The following SPRED2 variants were observed in gnomAD, a reference collection of about 807,000 sequenced individuals.
SPRED2 encodes the protein sprouty-related, EVH1 domain-containing protein 2.
Under a neutral mutation model 43.0 loss-of-function variants are expected in SPRED2, and 47 were observed. The observed-to-expected ratio is 1.09, with a 90% CI of 0.87 to 1.40. SPRED2 has a LOEUF of 1.40. Ranked by LOEUF, SPRED2 falls within the 40% of genes most tolerant of loss-of-function variation. The probability of loss-of-function intolerance (pLI) is 0.00; values close to 1 mark genes in which losing one functional copy is unlikely to be tolerated. For missense variants in SPRED2, 561 were observed against 586.4 expected, an observed-to-expected ratio of 0.96 and a Z score of 0.45; for synonymous variants, 225 against 225.7, an observed-to-expected ratio of 1.00 and a Z score of 0.03.
intron 2 of SPRED2, among the ~76,000 whole-genome samples, chr2:65,344,018 G>A (rs373228258): frequency 6.6e-5 from 10 of 151,714 alleles, no homozygotes; most frequent in South Asian, 2.1e-4. Context: ...GTAGTGGCGC[G>A]CACCTGTAGT....
chr2:65,371,197 T>C (rs1675118234), intron 1 of SPRED2, among the ~76,000 whole-genome samples: 1 of 151,956 alleles, frequency 6.6e-6, no homozygotes, highest in Non-Finnish European at 1.5e-5. Context: ...AATATTTTTT[T>C]TGGCAGGAAA....
chr2:65,348,555 C>A (rs917922957), intron 1 of SPRED2, among the ~76,000 whole-genome samples: 1 of 152,118 alleles, frequency 6.6e-6, no homozygotes, highest in African/African-American at 2.4e-5. Flanking sequence ...GTAATCCCAG[C>A]ACTTTGGGAG....
chr2:65,342,388 ATATGTATATATGTATGTATATTTTG>A (rs1160200891), intron 2 of SPRED2, among the ~76,000 whole-genome samples: 1 of 147,290 alleles, frequency 6.8e-6, no homozygotes, highest in African/African-American at 2.5e-5. Context: ...TATATTTTGT[ATATGTATATATGTATGTATATTTTG>A]TATACGTATA....
At chr2:65,381,726 T>C (rs1253089876) in intron 1 of SPRED2, among the ~76,000 whole-genome samples, 2 of 152,126 alleles carry the variant, frequency 1.3e-5, no homozygotes, top group African/African-American at 4.8e-5. Context: ...TCAGCCCCGG[T>C]CCCTGAGCAG....
At position 65,415,452 on chromosome 2, in the gene SPRED2, TAAAA is replaced by T. The variant is rs57368286; in HGVS notation, c.26+16506_26+16509del. ...CAATCCTATGTTAACAAAGTTTTGT[TAAAA>T]AAAAAAAAATTCAAATATAAGGAAT... On this transcript the variant is annotated intron_variant, in intron 1 of 5. Coordinates refer to ENST00000356388, the MANE Select transcript of SPRED2 (RefSeq NM_181784.3). Among the ~76,000 whole-genome samples, 11 of 150,290 alleles carry T rather than the reference TAAAA, an allele frequency of 7.3e-5. No homozygotes were observed. In the East Asian group the frequency reaches 2.2e-3, roughly 29 times the overall value.
chr2:65,309,156 CAA>C (rs11334053), downstream of SPRED2, among the ~76,000 whole-genome samples: 26,384 of 138,044 alleles, frequency 0.19, 2,620 homozygotes, highest in Non-Finnish European at 0.22. Flanking sequence ...AACTCAGTCT[CAA>C]AAAAAAAAAA....
At chr2:65,329,525 C>A (rs1399178850) in intron 4 of SPRED2, among the ~76,000 whole-genome samples, 1 of 152,226 alleles carries the variant, frequency 6.6e-6, no homozygotes, top group Non-Finnish European at 1.5e-5. Flanking sequence ...TGCCCGGAAG[C>A]AGCAGGGCTG....
At chr2:65,385,989 G>A (rs1259648645) in intron 1 of SPRED2, among the ~76,000 whole-genome samples, 1 of 152,102 alleles carries the variant, frequency 6.6e-6, no homozygotes, top group African/African-American at 2.4e-5. Context: ...TATTGTATCA[G>A]AAAGCACAGG....
At chr2:65,322,280 A>ATT (rs1673447810) in intron 4 of SPRED2, among the ~76,000 whole-genome samples, 1 of 97,356 alleles carries the variant, frequency 1.0e-5, no homozygotes, top group Non-Finnish European at 1.9e-5. Flanking sequence ...CTATATATAT[A>ATT]TATATATATA....
At chr2:65,334,476 G>C in intron 3 of SPRED2, 129 bp downstream of exon 3, 1 of 1,058,422 alleles carries the variant, frequency 9.4e-7, no homozygotes, top group Non-Finnish European at 1.4e-6. Flanking sequence ...AAAAGTTTTG[G>C]CATCTACTGA....
rs762764941 is a variant in SPRED2, at chr2:65,432,014, C to T, written c.-27G>A. 2 of 1,613,798 alleles carry T rather than the reference C, an allele frequency of 1.2e-6. No individual in the cohort carries two copies. The highest frequency in any genetic ancestry group is 2.2e-5 in the South Asian group (2 of 91,068). On this transcript the variant is annotated 5_prime_UTR_variant, in exon 1 of 6. Transcript: ENST00000356388. ...TTCTTGTTCACCTAGACGCCTGTCC[C>T]GCGGCGGGCAGCTTTGCTCCCTTCA...
intron 4 of SPRED2, among the ~76,000 whole-genome samples, chr2:65,322,295 T>TATATA (rs1491266235): frequency 1.8e-4 from 8 of 44,990 alleles, no homozygotes; most frequent in African/African-American, 5.8e-4. Context: ...TATATATATA[T>TATATA]TTTTTTTTTT....
chr2:65,390,234 C>G (rs1330884895), intron 1 of SPRED2, among the ~76,000 whole-genome samples: 2 of 152,202 alleles, frequency 1.3e-5, no homozygotes, highest in Non-Finnish European at 2.9e-5. Flanking sequence ...AAGGCTGCAC[C>G]TGCACCCAGT....
chr2:65,347,178 C>G (rs540999488), intron 1 of SPRED2, among the ~76,000 whole-genome samples: 1 of 152,222 alleles, frequency 6.6e-6, no homozygotes, highest in Non-Finnish European at 1.5e-5. Context: ...GTTCTGACCA[C>G]TTTTGCCCTC....
downstream of SPRED2, among the ~76,000 whole-genome samples, chr2:65,310,380 C>T (rs1401850947): frequency 6.6e-6 from 1 of 151,196 alleles, no homozygotes; most frequent in East Asian, 2.0e-4. Context: ...GGAAAGTGGG[C>T]CAAAGAGAGC....
intron 4 of SPRED2, among the ~76,000 whole-genome samples, chr2:65,319,298 C>T (rs905469672): frequency 4.6e-5 from 7 of 152,148 alleles, no homozygotes; most frequent in African/African-American, 9.7e-5. Flanking sequence ...CGGTGCTCTC[C>T]GAAGCAATAT....
rs1016930529 is a variant in SPRED2, at chr2:65,311,672, A to T, written c.*1829T>A. 1 of 985,500 alleles carries T rather than the reference A, an allele frequency of 1.0e-6. No individual in the cohort carries two copies. Among genetic ancestry groups the T allele is most frequent in the African/African-American group, 1.7e-5 (1 of 57,230 alleles). 61.0% of individuals were successfully genotyped at this position (985,500 alleles called of 1,614,324 possible). On this transcript the variant is annotated 3_prime_UTR_variant, in exon 6 of 6. Transcript: ENST00000356388. Reference sequence around the variant, plus strand: ...TCTTTTCTTCCATCAATCCAGATGGACAGCTCTCTGCTCCTTTTCCAAACT... The same window carrying T: ...TCTTTTCTTCCATCAATCCAGATGGTCAGCTCTCTGCTCCTTTTCCAAACT...
chr2:65,379,926 A>G (rs1675332767), intron 1 of SPRED2, among the ~76,000 whole-genome samples: 1 of 152,176 alleles, frequency 6.6e-6, no homozygotes, highest in African/African-American at 2.4e-5. Context: ...CCATGGGGAC[A>G]TGCATTCTTC....
chr2:65,339,880 T>A (rs1035335428), intron 2 of SPRED2, among the ~76,000 whole-genome samples: 2 of 152,178 alleles, frequency 1.3e-5, no homozygotes, highest in Non-Finnish European at 2.9e-5. Context: ...GAAAAGGCTA[T>A]TAAAATATTT....
Sources: allele counts gnomAD v4.1 joint callset (sites outside exome capture counted in the v4.1 genomes callset), GRCh38; gene constraint gnomAD v4.1.1; transcripts MANE v1.5; gene names NCBI Gene and HGNC (gene_info 2026-07-23, HGNC 2026-07-21).